Variants in CSMD3 observed in about 807,000 individuals in gnomAD.
CSMD3 encodes CUB and sushi domain-containing protein 3.
Under a neutral mutation model 435.2 loss-of-function variants are expected in CSMD3, and 177 were observed. The ratio of observed to expected loss-of-function variants is 0.41; its 90% CI spans 0.36 to 0.46. The LOEUF (loss-of-function observed/expected upper bound fraction) is 0.46. CSMD3 is among the 20% of genes least tolerant of loss of function. CSMD3 has a pLI of 0.34. For synonymous variants in CSMD3, 1,656 were observed against 1,520.5 expected (o/e 1.09, Z -2.07); for missense variants, 4,265 against 4,504.6 (o/e 0.95, Z 1.52).
intron 4 of CSMD3, among the ~76,000 whole-genome samples, chr8:113,147,812 A>G (rs957826404): frequency 9.2e-5 from 14 of 151,696 alleles, no homozygotes; most frequent in African/African-American, 3.1e-4. Flanking sequence ...CCATTCACAC[A>G]TAACACTCAT....
intron 19 of CSMD3, among the ~76,000 whole-genome samples, chr8:112,646,368 T>C (rs1233692212): frequency 1.3e-5 from 2 of 152,094 alleles, no homozygotes; most frequent in African/African-American, 4.8e-5. Flanking sequence ...TTATGTGTGT[T>C]TGTATATCTG....
intron 13 of CSMD3, among the ~76,000 whole-genome samples, chr8:112,718,776 C>A (rs1306042876): frequency 6.6e-6 from 1 of 151,926 alleles, no homozygotes; most frequent in African/African-American, 2.4e-5. Context: ...TTTATATGTA[C>A]CTGTCCCCAC....
At chr8:113,032,617 GAAAGT>G (rs2087163212) in intron 5 of CSMD3, among the ~76,000 whole-genome samples, 1 of 151,610 alleles carries the variant, frequency 6.6e-6, no homozygotes, top group African/African-American at 2.4e-5. Context: ...CGTTTAAAAG[GAAAGT>G]AAAGCATAAA....
intron 38 of CSMD3, among the ~76,000 whole-genome samples, chr8:112,366,586 T>C (rs138383097): frequency 6.6e-6 from 1 of 152,154 alleles, no homozygotes; most frequent in East Asian, 1.9e-4. Flanking sequence ...TTGGTAGAGA[T>C]AGGGTTTCAC....
chr8:113,241,978 C>T (rs1306107317), intron 3 of CSMD3, among the ~76,000 whole-genome samples: 1 of 150,782 alleles, frequency 6.6e-6, no homozygotes, highest in East Asian at 1.9e-4. Flanking sequence ...CAATTTTAGA[C>T]AGGTTTTATA....
chr8:113,242,824 T>G (rs1484256427), intron 3 of CSMD3, among the ~76,000 whole-genome samples: 1 of 151,918 alleles, frequency 6.6e-6, no homozygotes, highest in African/African-American at 2.4e-5. Flanking sequence ...TGAATATACC[T>G]AAAATATAGG....
intron 5 of CSMD3, among the ~76,000 whole-genome samples, chr8:113,094,516 C>T (rs1327875398): frequency 6.6e-6 from 1 of 152,132 alleles, no homozygotes; most frequent in Non-Finnish European, 1.5e-5. Flanking sequence ...TTAACTCTGC[C>T]AATAAACAAG....
chr8:113,085,218 C>A (rs1604848), intron 5 of CSMD3, among the ~76,000 whole-genome samples: 4 of 151,326 alleles, frequency 2.6e-5, no homozygotes, highest in East Asian at 1.9e-4. Context: ...TCAGAATATA[C>A]AAAAAATTCA....
intron 2 of CSMD3, among the ~76,000 whole-genome samples, chr8:113,289,554 CAGAGAGAGAGAGAGAGAGAG>C (rs66595138): frequency 1.4e-5 from 2 of 143,304 alleles, no homozygotes; most frequent in East Asian, 2.1e-4. Flanking sequence ...CAGAGAGAGA[CAGAGAGAGAGAGAGAGAGAG>C]AGAGAGAGAG....
intron 45 of CSMD3, among the ~76,000 whole-genome samples, chr8:112,332,433 A>G (rs1305819317): frequency 6.6e-6 from 1 of 152,168 alleles, no homozygotes; most frequent in African/African-American, 2.4e-5. Context: ...GAGAAAACCA[A>G]CCTGACTGAA....
chr8:112,666,581 A>T (rs1300857454), intron 16 of CSMD3, among the ~76,000 whole-genome samples, 166 bp from the exon 17 acceptor site: 1 of 152,172 alleles, frequency 6.6e-6, no homozygotes, highest in Non-Finnish European at 1.5e-5. Context: ...CTGTTAAATG[A>T]TTATTTTTCT....
At chr8:112,688,129 A>G (rs1230694701) in intron 14 of CSMD3, among the ~76,000 whole-genome samples, 2 of 152,184 alleles carry the variant, frequency 1.3e-5, no homozygotes, top group African/African-American at 4.8e-5. Flanking sequence ...TTATGTTCCA[A>G]TAAAACTTTG....
intron 3 of CSMD3, among the ~76,000 whole-genome samples, chr8:113,210,079 C>T (rs2092816508): frequency 6.9e-6 from 1 of 144,814 alleles, no homozygotes. Flanking sequence ...AAACTACATC[C>T]TTATTTTATG....
Position 112,487,797 on chromosome 8 carries a change from C to T in CSMD3, c.5278+4692G>A, listed in dbSNP as rs576974832. 2.2e-3 allele frequency among the ~76,000 whole-genome samples: 331 copies of T among 152,154 alleles called. 2 individuals carry two copies. Among genetic ancestry groups the T allele is most frequent in the African/African-American group, 7.6e-3 (317 of 41,528 alleles). ...AAGCAAATAATATTAAGGGGAAAATCTGGAATCTGTCACTATTTTTGTTTT... is the reference window on the plus strand; with the variant it reads ...AAGCAAATAATATTAAGGGGAAAATTTGGAATCTGTCACTATTTTTGTTTT... On this transcript the variant is annotated intron_variant, in intron 31 of 70. Coordinates refer to ENST00000297405, the MANE Select transcript of CSMD3 (RefSeq NM_198123.2).
At chr8:112,470,458 A>G (rs1818410369) in intron 32 of CSMD3, among the ~76,000 whole-genome samples, 1 of 152,152 alleles carries the variant, frequency 6.6e-6, no homozygotes, top group South Asian at 2.1e-4. Flanking sequence ...TAAGGTAGGT[A>G]TTTATCATTG....
At chr8:112,771,768 G>T (rs1035525594) in intron 13 of CSMD3, among the ~76,000 whole-genome samples, 2 of 151,988 alleles carry the variant, frequency 1.3e-5, no homozygotes, top group Non-Finnish European at 2.9e-5. Context: ...AAAATAAATT[G>T]TAGAGAAGAG....
intron 1 of CSMD3, among the ~76,000 whole-genome samples, chr8:113,344,651 T>A (rs916261354): frequency 6.6e-6 from 1 of 152,122 alleles, no homozygotes; most frequent in African/African-American, 2.4e-5. Flanking sequence ...ACAAGTATAG[T>A]CGATATTGTG....
chr8:113,321,983 CTTTGT>C (rs560194004), intron 1 of CSMD3, among the ~76,000 whole-genome samples: 17 of 152,154 alleles, frequency 1.1e-4, no homozygotes, highest in African/African-American at 3.6e-4. Flanking sequence ...TCAGAGAGGC[CTTTGT>C]TTTAAATTTT....
chr8:112,526,530 T>G (rs1215142251), intron 27 of CSMD3, among the ~76,000 whole-genome samples: 1 of 152,060 alleles, frequency 6.6e-6, no homozygotes, highest in South Asian at 2.1e-4. Flanking sequence ...TATTACAATT[T>G]TATTGGTTGC....
Sources: gnomAD v4.1 joint callset for allele counts (sites outside exome capture counted in the v4.1 genomes callset) on GRCh38, gnomAD v4.1.1 for gene constraint, MANE v1.5 for transcripts, NCBI Gene and HGNC (gene_info 2026-07-23, HGNC 2026-07-21) for gene names.